The following NSFL1C variants were observed in gnomAD, a reference collection of about 807,000 sequenced individuals.
NSFL1C encodes NSFL1 cofactor, also known as NSFL1 cofactor p47.
In NSFL1C, 14 loss-of-function variants were observed where a neutral mutation model predicts 43.1. That is an observed-to-expected ratio of 0.32 (90% confidence interval 0.21 to 0.51). The LOEUF (loss-of-function observed/expected upper bound fraction) is 0.51, where lower values mean the gene tolerates loss of function less well. Ranked by LOEUF, NSFL1C falls within the 20% of genes least tolerant of loss-of-function variation. The probability of loss-of-function intolerance (pLI) is 0.98; values close to 1 mark genes in which losing one functional copy is unlikely to be tolerated. For missense variants in NSFL1C, 406 were observed against 472.5 expected, an observed-to-expected ratio of 0.86 and a Z score of 1.30; for synonymous variants, 171 against 183.5, an observed-to-expected ratio of 0.93 and a Z score of 0.55.
In NSFL1C at chr20:1,443,611, C is replaced by A; in HGVS notation, c.*138G>T. Reference sequence around the variant, plus strand: ...GAGAAAACAAACGTCCAACCAAGATCTAAGAACCCAGAGCTATGGAGGAGA... The same window carrying A: ...GAGAAAACAAACGTCCAACCAAGATATAAGAACCCAGAGCTATGGAGGAGA... On this transcript the variant is annotated 3_prime_UTR_variant, in exon 9 of 9. Coordinates refer to ENST00000216879, the MANE Select transcript of NSFL1C (RefSeq NM_016143.5). 1.3e-6 allele frequency: 1 copy of A among 765,446 alleles called. No homozygotes were observed. Among genetic ancestry groups the A allele is most frequent in the South Asian group, 2.3e-5 (1 of 43,794 alleles). 47.4% of individuals were successfully genotyped at this position (765,446 alleles called of 1,614,324 possible).
At chr20:1,460,995 G>T (rs1419132579) in intron 2 of NSFL1C, among the ~76,000 whole-genome samples, 1 of 152,160 alleles carries the variant, frequency 6.6e-6, no homozygotes, top group Admixed American at 6.5e-5. Context: ...GGCAGACTTC[G>T]CCTTGAATCT....
Position 1,452,563 on chromosome 20 carries a change from G to C in NSFL1C, c.715C>G (p.Arg239Gly). 6.2e-7 allele frequency: 1 copy of C among 1,614,160 alleles called. No individual in the cohort carries two copies. Among genetic ancestry groups the C allele is most frequent in the East Asian group, 2.2e-5 (1 of 44,880 alleles). ...GQVNLDMEDH[R>G]DEDFVKPKGA... ...TTGGGCTTCACAAAGTCCTCGTCCC[G>C]ATGGTCCTCCATATCCAAGTTCACC... is the stretch of plus-strand genomic sequence containing the variant. Residue 239 changes from arginine (R) to glycine (G), a missense_variant, in exon 7 of 9, where the codon CGG becomes GGG. Physicochemically the swap from Arg to Gly is moderately radical, Grantham distance 125. Transcript: ENST00000216879.
At chr20:1,462,648 G>C (rs1204612398) in intron 2 of NSFL1C, among the ~76,000 whole-genome samples, 2 of 151,606 alleles carry the variant, frequency 1.3e-5, no homozygotes, top group Admixed American at 6.6e-5. Flanking sequence ...CAGCCTCCCG[G>C]GTAGCTGGGA....
Position 1,447,455 on chromosome 20 carries a change from T to A in NSFL1C, c.786-1625A>T, listed in dbSNP as rs1479210176. 5.3e-5 allele frequency among the ~76,000 whole-genome samples: 8 copies of A among 152,046 alleles called. No homozygotes were observed. The East Asian group carries it at 1.5e-3, about 29-fold the overall frequency. ...TTTTTTTTTTTGCTTTTTGTTGTTG[T>A]TAGCTCATCAGCTATCATTAGTATC... On this transcript the variant is annotated intron_variant, in intron 7 of 8. Transcript: ENST00000216879.
intron 8 of NSFL1C, 115 bp from the exon 9 acceptor site, chr20:1,444,026 G>GA: frequency 8.7e-7 from 1 of 1,148,316 alleles, no homozygotes; most frequent in Non-Finnish European, 1.2e-6. Flanking sequence ...ACAGAACAGC[G>GA]AAAGCTACGC....
At position 1,442,692 on chromosome 20, in the gene NSFL1C, C is replaced by A. The variant is rs749862385; in HGVS notation, c.*1057G>T. On this transcript the variant is annotated 3_prime_UTR_variant, in exon 9 of 9. Coordinates refer to ENST00000216879, the MANE Select transcript of NSFL1C (RefSeq NM_016143.5). ...AGTCACAAGTCAGCAGGTCAAAGAA[C>A]AAGTGTGAAGCAGAACCTGCTAAGC... The A allele has an allele frequency of 6.6e-6, 1 of 152,206 alleles. No individual in the cohort carries two copies. Among genetic ancestry groups the A allele is most frequent in the African/African-American group, 2.4e-5 (1 of 41,442 alleles). The allele number at this position is 152,206 out of a possible 1,614,324, so 9.4% of individuals were successfully genotyped here. A position where few individuals can be genotyped will look rare whatever the true frequency, so the allele number is the denominator to read the frequency against.
chr20:1,448,116 G>A (rs1472842202), intron 7 of NSFL1C, among the ~76,000 whole-genome samples: 1 of 152,182 alleles, frequency 6.6e-6, no homozygotes, highest in African/African-American at 2.4e-5. Context: ...ATGACCCTCA[G>A]CAAGTTACTG....
chr20:1,452,917 T>C (rs759520072), intron 6 of NSFL1C, 114 bp downstream of exon 6: 37 of 751,828 alleles, frequency 4.9e-5, no homozygotes, highest in Non-Finnish European at 8.5e-5. Flanking sequence ...ATCTCAACTA[T>C]GCTGAATCTG....
chr20:1,459,514 CAG>C (rs1277689894), intron 2 of NSFL1C, among the ~76,000 whole-genome samples: 1 of 152,148 alleles, frequency 6.6e-6, no homozygotes, highest in East Asian at 1.9e-4. Flanking sequence ...AAAAGACTAA[CAG>C]AGAGTAATAC....
In NSFL1C at chr20:1,453,037, C is replaced by A; in HGVS notation, c.641G>T (p.Arg214Leu). The part of the protein sequence containing the change: ...PSNAQFLESI[R>L]RGEVPAELRR... Reference sequence around the variant, plus strand: ...GGAGGGCTTTTTCACTCACCCTCTGCGGATAGACTCCAGAAACTGGGCATT... The same window carrying A: ...GGAGGGCTTTTTCACTCACCCTCTGAGGATAGACTCCAGAAACTGGGCATT... The change falls in exon 6 of 9, where the codon CGC becomes CTC. Residue 214 changes from arginine to leucine, a missense_variant. Arg to Leu is a moderately radical substitution (Grantham distance 102). Transcript: ENST00000216879. The A allele has an allele frequency of 6.3e-7, 1 of 1,598,996 alleles. No individual in the cohort carries two copies. Among genetic ancestry groups the A allele is most frequent in the South Asian group, 1.1e-5 (1 of 90,792 alleles).
intron 1 of NSFL1C, among the ~76,000 whole-genome samples, chr20:1,465,046 C>G (rs1469848602): frequency 2.0e-5 from 3 of 152,154 alleles, no homozygotes; most frequent in Non-Finnish European, 4.4e-5. Flanking sequence ...TCTCACCAAC[C>G]TGCACACTGG....
At chr20:1,452,985 T>C (rs1189388753) in intron 6 of NSFL1C, 46 bp downstream of exon 6, 2 of 995,784 alleles carry the variant, frequency 2.0e-6, no homozygotes, top group African/African-American at 1.6e-5. Flanking sequence ...TCCCAACTGC[T>C]ATCCACTCAC....
intron 2 of NSFL1C, among the ~76,000 whole-genome samples, chr20:1,460,172 G>A (rs1368769949): frequency 1.3e-5 from 2 of 152,196 alleles, no homozygotes; most frequent in Admixed American, 1.3e-4. Flanking sequence ...GGCTTTCTGT[G>A]TGCAGGTGGG....
intron 3 of NSFL1C, chr20:1,455,842 T>G (rs1189278795): frequency 1.3e-6 from 1 of 743,582 alleles, no homozygotes; most frequent in East Asian, 2.5e-5. Flanking sequence ...CACCTCACCT[T>G]GCCATTCATG....
chr20:1,452,771 C>T (rs1031712601), intron 6 of NSFL1C, 141 bp from the exon 7 acceptor site: 4 of 1,027,614 alleles, frequency 3.9e-6, no homozygotes, highest in Non-Finnish European at 5.7e-6. Flanking sequence ...TGGTGGCTAC[C>T]TGTCTGCCTC....
intron 7 of NSFL1C, among the ~76,000 whole-genome samples, chr20:1,449,194 T>C (rs1286057917): frequency 1.3e-5 from 2 of 152,024 alleles, no homozygotes; most frequent in Non-Finnish European, 2.9e-5. Flanking sequence ...ATAAAATAAA[T>C]GAAATACTTA....
At chr20:1,457,147 G>A (rs1200744629) in intron 3 of NSFL1C, 1 of 151,980 alleles carries the variant, frequency 6.6e-6, no homozygotes, top group Non-Finnish European at 1.5e-5. Flanking sequence ...GTCTATTGGG[G>A]GAAATATACA....
chr20:1,458,907 A>C (rs1257241466), intron 2 of NSFL1C, among the ~76,000 whole-genome samples: 1 of 150,506 alleles, frequency 6.6e-6, no homozygotes, highest in Non-Finnish European at 1.5e-5. Flanking sequence ...TTAGTCAAGA[A>C]GTATTTATTT....
intron 7 of NSFL1C, among the ~76,000 whole-genome samples, chr20:1,447,429 T>G (rs964350102): frequency 2.0e-5 from 3 of 152,092 alleles, no homozygotes; most frequent in South Asian, 2.1e-4. Flanking sequence ...TTATGAGTTT[T>G]TTTTTTTTTT....
Sources: allele counts gnomAD v4.1 joint callset (sites outside exome capture counted in the v4.1 genomes callset), GRCh38; gene constraint gnomAD v4.1.1; transcripts MANE v1.5; gene names NCBI Gene and HGNC (gene_info 2026-07-23, HGNC 2026-07-21).